The following RAB2A variants were observed in gnomAD, a reference collection of about 807,000 sequenced individuals.
RAB2A encodes the protein ras-related protein Rab-2A.
RAB2A carries 7 observed loss-of-function variants against 32.5 expected under a neutral mutation model. That is an observed-to-expected ratio of 0.22 (90% CI 0.12 to 0.40). The LOEUF (loss-of-function observed/expected upper bound fraction) is 0.40, where lower values mean the gene tolerates loss of function less well. Ranked by LOEUF, RAB2A falls within the 10% of genes least tolerant of loss-of-function variation. The pLI, the probability that RAB2A is intolerant of heterozygous loss-of-function variation, is 1.00. For synonymous variants in RAB2A, 79 were observed against 85.2 expected (o/e 0.93, Z 0.40); for missense variants, 108 against 260.7 (o/e 0.41, Z 4.03).
At chr8:60,537,971 C>T (rs898750996) in intron 1 of RAB2A, among the ~76,000 whole-genome samples, 1 of 152,196 alleles carries the variant, frequency 6.6e-6, no homozygotes, top group African/African-American at 2.4e-5. Flanking sequence ...AGCTACCATG[C>T]CTGGCCGTAT....
intron 7 of RAB2A, among the ~76,000 whole-genome samples, chr8:60,619,465 T>G (rs1804497278): frequency 1.3e-5 from 2 of 152,216 alleles, no homozygotes; most frequent in African/African-American, 4.8e-5. Context: ...TATGTATGTC[T>G]CTCTCATCCT....
chr8:60,612,230 T>A (rs1399952884), intron 6 of RAB2A, among the ~76,000 whole-genome samples: 1 of 152,198 alleles, frequency 6.6e-6, no homozygotes. Flanking sequence ...TATGCAGTGT[T>A]TGGTTTTCTA....
intron 3 of RAB2A, among the ~76,000 whole-genome samples, chr8:60,577,538 A>T (rs1803658589): frequency 6.6e-6 from 1 of 152,174 alleles, no homozygotes; most frequent in Non-Finnish European, 1.5e-5. Context: ...TACTGATCTT[A>T]CTGTCACCTG....
intron 6 of RAB2A, among the ~76,000 whole-genome samples, chr8:60,599,424 T>C (rs1046751883): frequency 3.3e-5 from 5 of 152,134 alleles, no homozygotes; most frequent in African/African-American, 1.2e-4. Context: ...TTTGTAGATA[T>C]AGACAATATT....
chr8:60,522,008 C>G (rs757389415), intron 1 of RAB2A, among the ~76,000 whole-genome samples: 52 of 152,138 alleles, frequency 3.4e-4, no homozygotes, highest in Non-Finnish European at 6.6e-4. Flanking sequence ...AAGTTGTCCT[C>G]CTGGAATGAA....
At chr8:60,542,206 C>T (rs761269147) in intron 1 of RAB2A, among the ~76,000 whole-genome samples, 3 of 152,100 alleles carry the variant, frequency 2.0e-5, no homozygotes, top group Admixed American at 6.6e-5. Context: ...AAAGAAGTCG[C>T]TGGTTATTAG....
At chr8:60,608,640 A>AT (rs148617759) in intron 6 of RAB2A, among the ~76,000 whole-genome samples, 11,242 of 134,884 alleles carry the variant, frequency 0.083, 1,426 homozygotes, top group African/African-American at 0.28. Context: ...CCTTCCCCAG[A>AT]TTTTTTTTAC....
At chr8:60,577,751 G>A (rs1301731962) in intron 3 of RAB2A, among the ~76,000 whole-genome samples, 1 of 149,720 alleles carries the variant, frequency 6.7e-6, no homozygotes, top group East Asian at 2.0e-4. Context: ...TCAACCTCCT[G>A]AGTAGCTGGG....
At chr8:60,586,933 G>GA (rs200377607) in intron 5 of RAB2A, among the ~76,000 whole-genome samples, 8,008 of 63,896 alleles carry the variant, frequency 0.13, 595 homozygotes, top group African/African-American at 0.27. Context: ...CTGTCTCCAA[G>GA]AAAAAAAAAA....
chr8:60,584,105 T>C, intron 3 of RAB2A, 103 bp from the exon 4 acceptor site: 1 of 918,022 alleles, frequency 1.1e-6, no homozygotes, highest in Non-Finnish European at 1.7e-6. Flanking sequence ...TGTCTCTCTT[T>C]ATGCACTCCT....
chr8:60,571,912 A>AAC, intron 2 of RAB2A, 134 bp from the exon 3 acceptor site: 1 of 522,682 alleles, frequency 1.9e-6, no homozygotes, highest in Non-Finnish European at 3.4e-6. Context: ...TAAGTATAGG[A>AAC]ACTGCATTTG....
chr8:60,584,189 A>G lies in RAB2A; in HGVS notation c.187-19A>G, dbSNP rs747180864. The G allele has an allele frequency of 6.4e-7, 1 of 1,560,194 alleles. No individual in the cohort carries two copies. Among genetic ancestry groups the G allele is most frequent in the Non-Finnish European group, 8.8e-7 (1 of 1,131,194 alleles). On this transcript the variant is annotated intron_variant, in intron 3 of 7. Coordinates refer to ENST00000262646, the MANE Select transcript of RAB2A (RefSeq NM_002865.3). Reference sequence around the variant, plus strand: ...ACATTGTATTAAAGGAAACTCTCCAACCTTTTTTTTCGTTACAGGCAGGGC... The same window carrying G: ...ACATTGTATTAAAGGAAACTCTCCAGCCTTTTTTTTCGTTACAGGCAGGGC...
intron 2 of RAB2A, among the ~76,000 whole-genome samples, chr8:60,563,632 C>A (rs1034959543): frequency 1.3e-5 from 2 of 152,166 alleles, no homozygotes; most frequent in African/African-American, 4.8e-5. Flanking sequence ...CCCATAGTTT[C>A]TCTCAGAACT....
intron 1 of RAB2A, among the ~76,000 whole-genome samples, chr8:60,555,386 A>G (rs1807921044): frequency 6.6e-6 from 1 of 152,136 alleles, no homozygotes; most frequent in Admixed American, 6.5e-5. Flanking sequence ...AAATGGGATT[A>G]TATCAAACTA....
chr8:60,606,006 G>A (rs762048122), intron 6 of RAB2A, among the ~76,000 whole-genome samples: 67 of 151,990 alleles, frequency 4.4e-4, no homozygotes, highest in Non-Finnish European at 7.9e-4. Flanking sequence ...AAAATTAGCC[G>A]GGCGTGGTGG....
Position 60,622,461 on chromosome 8 carries a change from C to G in RAB2A, c.*1692C>G, listed in dbSNP as rs1333599810. 2 of 152,144 alleles carry G rather than the reference C, an allele frequency of 1.3e-5. No homozygotes were observed. Among genetic ancestry groups the G allele is most frequent in the Admixed American group, 1.3e-4 (2 of 15,278 alleles). The allele number at this position is 152,144 out of a possible 1,614,324, so 9.4% of individuals were successfully genotyped here. A position where few individuals can be genotyped will look rare whatever the true frequency, so the allele number is the denominator to read the frequency against. On this transcript the variant is annotated 3_prime_UTR_variant, in exon 8 of 8. Coordinates refer to ENST00000262646, the MANE Select transcript of RAB2A (RefSeq NM_002865.3). The stretch of plus-strand genomic sequence containing the variant: ...TCTGTTTTCATGGGTATTTGTAGTA[C>G]AGCCTTTTTTTCTTTCAAGTGGCTG...
intron 1 of RAB2A, among the ~76,000 whole-genome samples, chr8:60,533,684 T>C (rs182938621): frequency 8.6e-4 from 131 of 152,232 alleles, no homozygotes; most frequent in Non-Finnish European, 1.3e-3. Flanking sequence ...TAAGATACTA[T>C]TGTGGGCCAG....
intron 1 of RAB2A, among the ~76,000 whole-genome samples, chr8:60,519,723 T>C (rs921869877): frequency 1.3e-5 from 2 of 152,206 alleles, no homozygotes; most frequent in African/African-American, 2.4e-5. Context: ...CTGTATTTCT[T>C]TCAGGAAGAG....
At chr8:60,559,459 G>A (rs1477957757) in intron 2 of RAB2A, among the ~76,000 whole-genome samples, 1 of 152,142 alleles carries the variant, frequency 6.6e-6, no homozygotes, top group Non-Finnish European at 1.5e-5. Context: ...TGGGCATTTT[G>A]TATTTTCCTC....
Sources: allele counts gnomAD v4.1 joint callset (sites outside exome capture counted in the v4.1 genomes callset), GRCh38; gene constraint gnomAD v4.1.1; transcripts MANE v1.5; gene names NCBI Gene and HGNC (gene_info 2026-07-23, HGNC 2026-07-21).